The following SAMD5 variants were observed in gnomAD, a reference collection of about 807,000 sequenced individuals.
SAMD5 encodes the protein sterile alpha motif domain-containing protein 5.
Under a neutral mutation model 11.3 loss-of-function variants are expected in SAMD5, and 13 were observed. The ratio of observed to expected loss-of-function variants is 1.15; its 90% confidence interval spans 0.75 to 1.83. The LOEUF is 1.83. Ranked by LOEUF, SAMD5 falls within the 40% of genes most tolerant of loss-of-function variation. The probability of loss-of-function intolerance (pLI) is 0.00; values close to 1 mark genes in which losing one functional copy is unlikely to be tolerated. For missense variants in SAMD5, 255 were observed against 239.1 expected, an observed-to-expected ratio of 1.07 and a Z score of -0.44; for synonymous variants, 129 against 111.3, an observed-to-expected ratio of 1.16 and a Z score of -1.00.
At chr6:147,819,149 A>G in the SAMD5 span, among the ~76,000 whole-genome samples, 1 of 152,246 alleles carries the variant, frequency 6.6e-6, no homozygotes, top group Non-Finnish European at 1.5e-5. Context: ...ATGCAGCCTT[A>G]AAAAGGAATG....
chr6:147,604,490 G>T (rs1186135158), intron 1 of SAMD5, among the ~76,000 whole-genome samples: 1 of 152,176 alleles, frequency 6.6e-6, no homozygotes, highest in Admixed American at 6.5e-5. Flanking sequence ...TTCAAGAGAG[G>T]GAAAAACATA....
the SAMD5 span, among the ~76,000 whole-genome samples, chr6:147,769,851 T>C: frequency 6.6e-6 from 1 of 152,224 alleles, no homozygotes; most frequent in Admixed American, 6.5e-5. Context: ...CTTTGGTCTA[T>C]GGTCTACTTA....
intron 1 of SAMD5, among the ~76,000 whole-genome samples, chr6:147,636,030 T>C (rs1344744159): frequency 6.6e-6 from 1 of 152,244 alleles, no homozygotes; most frequent in Non-Finnish European, 1.5e-5. Context: ...CATGACTGAT[T>C]TGATTCTGTA....
At chr6:147,644,556 T>A (rs1001851188) in intron 1 of SAMD5, among the ~76,000 whole-genome samples, 3 of 152,180 alleles carry the variant, frequency 2.0e-5, no homozygotes, top group African/African-American at 7.2e-5. Context: ...AGGAAAAAGT[T>A]TTTTCTAGAT....
chr6:147,676,573 G>A (rs1012056184), intron 1 of SAMD5, among the ~76,000 whole-genome samples: 1 of 152,060 alleles, frequency 6.6e-6, no homozygotes, highest in Non-Finnish European at 1.5e-5. Context: ...TGAATTCAAC[G>A]AGGGTAGGGA....
At chr6:147,696,537 C>T (rs1791179681) in intron 1 of SAMD5, among the ~76,000 whole-genome samples, 1 of 152,176 alleles carries the variant, frequency 6.6e-6, no homozygotes, top group Admixed American at 6.5e-5. Context: ...TGCACTCTGC[C>T]TTAGCCCAGC....
intron 1 of SAMD5, among the ~76,000 whole-genome samples, chr6:147,619,806 G>A (rs934355611): frequency 1.3e-5 from 2 of 152,140 alleles, no homozygotes; most frequent in African/African-American, 4.8e-5. Context: ...TGCCTGACAA[G>A]GGGGAGGCCA....
intron 1 of SAMD5, among the ~76,000 whole-genome samples, chr6:147,524,659 T>C (rs927120077): frequency 3.9e-5 from 6 of 152,120 alleles, no homozygotes; most frequent in Admixed American, 2.6e-4. Context: ...CTGTGGAGTT[T>C]AGAAAAGTAA....
At chr6:147,942,823 CTTT>C in the SAMD5 span, among the ~76,000 whole-genome samples, 12 of 128,850 alleles carry the variant, frequency 9.3e-5, no homozygotes, top group African/African-American at 3.2e-4. Context: ...CCCAATGCTT[CTTT>C]TTTTTTTTTT....
the SAMD5 span, among the ~76,000 whole-genome samples, chr6:147,768,359 G>A: frequency 1.3e-5 from 2 of 152,144 alleles, no homozygotes; most frequent in Middle Eastern, 3.4e-3. Context: ...TTAGCCGGGC[G>A]TGGTAGCATG....
At chr6:147,888,683 G>A in the SAMD5 span, among the ~76,000 whole-genome samples, 1 of 152,018 alleles carries the variant, frequency 6.6e-6, no homozygotes, top group South Asian at 2.1e-4. Flanking sequence ...AGGAGTTCGA[G>A]ACCAGCCTGA....
the SAMD5 span, among the ~76,000 whole-genome samples, chr6:147,784,717 A>G: frequency 1.3e-5 from 2 of 152,222 alleles, no homozygotes; most frequent in Non-Finnish European, 2.9e-5. Flanking sequence ...CAAAGTTTGT[A>G]ATGAGATGGT....
At chr6:147,824,483 T>C in the SAMD5 span, among the ~76,000 whole-genome samples, 1 of 152,144 alleles carries the variant, frequency 6.6e-6, no homozygotes, top group African/African-American at 2.4e-5. Flanking sequence ...AAAAAGTGGA[T>C]TTTTTTACTT....
intron 1 of SAMD5, among the ~76,000 whole-genome samples, chr6:147,558,720 A>C (rs1583082273): frequency 1.3e-5 from 2 of 151,752 alleles, no homozygotes; most frequent in South Asian, 2.1e-4. Context: ...CTCACCTCCA[A>C]ATGTGTGGGC....
At chr6:147,741,437 A>C (rs908527331), downstream of SAMD5, 2 of 152,180 alleles carry the variant, frequency 1.3e-5, no homozygotes, top group African/African-American at 4.8e-5. Context: ...CAATTACTTC[A>C]GCATGTAACA....
the SAMD5 span, among the ~76,000 whole-genome samples, chr6:147,887,754 T>C: frequency 6.6e-6 from 1 of 152,156 alleles, no homozygotes; most frequent in Non-Finnish European, 1.5e-5. Flanking sequence ...TATCAAACTG[T>C]TTTTCAAAAC....
At chr6:147,933,868 T>A in the SAMD5 span, among the ~76,000 whole-genome samples, 1 of 152,176 alleles carries the variant, frequency 6.6e-6, no homozygotes, top group Non-Finnish European at 1.5e-5. Context: ...CCAGATTATG[T>A]GCCAAAATAG....
intron 1 of SAMD5, among the ~76,000 whole-genome samples, chr6:147,537,313 T>C (rs1788524811): frequency 6.6e-6 from 1 of 152,132 alleles, no homozygotes. Context: ...ATATTAGGTT[T>C]GAAAGAGACA....
chr6:147,551,176 T>G lies in SAMD5; in HGVS notation c.460-13218T>G, dbSNP rs6939866. Among the ~76,000 whole-genome samples the G allele has an allele frequency of 3.3e-3, 505 of 152,320 alleles. 2 individuals are homozygous for G. The highest frequency in any genetic ancestry group is 0.011 in the African/African-American group (469 of 41,576). On this transcript the variant is annotated intron_variant, in intron 1 of 1. Coordinates refer to ENST00000367474, the MANE Select transcript of SAMD5 (RefSeq NM_001030060.3). ...GGTGCCAGGAGAAATACTGTTTCATTTAGGAATTGAATTGGCCAAATTCTC... is the reference window on the plus strand; with the variant it reads ...GGTGCCAGGAGAAATACTGTTTCATGTAGGAATTGAATTGGCCAAATTCTC...
Sources: allele counts gnomAD v4.1 joint callset (sites outside exome capture counted in the v4.1 genomes callset), GRCh38; gene constraint gnomAD v4.1.1; transcripts MANE v1.5; gene names NCBI Gene and HGNC (gene_info 2026-07-23, HGNC 2026-07-21).